CPLANE1: variants seen among roughly 807,000 people sequenced by gnomAD.
CPLANE1 encodes ciliogenesis and planar polarity effector complex subunit 1, also known as ciliogenesis and planar polarity effector 1.
CPLANE1 carries 263 observed loss-of-function variants against 362.5 expected under a neutral mutation model. The ratio of observed to expected loss-of-function variants is 0.73; its 90% CI spans 0.66 to 0.80. The LOEUF (loss-of-function observed/expected upper bound fraction) is 0.80, where lower values mean the gene tolerates loss of function less well. Ranked by LOEUF, CPLANE1 falls within the 30% of genes least tolerant of loss-of-function variation. The pLI, the probability that CPLANE1 is intolerant of heterozygous loss-of-function variation, is 0.00. For missense variants in CPLANE1, 3,461 were observed against 3,793.4 expected (o/e 0.91, Z 2.30); for synonymous variants, 1,212 against 1,302.6 (o/e 0.93, Z 1.50).
chr5:37,155,717 T>A (rs533315309), intron 41 of CPLANE1, among the ~76,000 whole-genome samples: 1 of 152,242 alleles, frequency 6.6e-6, no homozygotes, highest in South Asian at 2.1e-4. Flanking sequence ...ATTAACTTAC[T>A]GCAAAATCTA....
In CPLANE1 at chr5:37,142,410, T is replaced by G; in HGVS notation, c.8532A>C (p.Ser2844=). 6.2e-6 allele frequency: 10 copies of G among 1,611,232 alleles called. No homozygotes were observed. Among genetic ancestry groups the G allele is most frequent in the Non-Finnish European group, 8.5e-6 (10 of 1,178,916 alleles). ...TCTGACCAGAATAATTTTCTGTTAT[T>G]GAAAATTCAGGTTCTGAAGTCTCCT... ...DKKETSEPEF[S]ITENYSGQKT... Residue 2844 remains serine, a synonymous_variant, in exon 44 of 53, where the codon TCA becomes TCC. Transcript: ENST00000651892.
At chr5:37,139,454 GA>G (rs1017918079) in intron 44 of CPLANE1, 84 bp from the exon 45 acceptor site, 3 of 1,079,520 alleles carry the variant, frequency 2.8e-6, no homozygotes, top group Non-Finnish European at 3.7e-6. Flanking sequence ...TATATAACCA[GA>G]AATTAAATTA....
At chr5:37,239,660 T>C (rs542756856) in intron 7 of CPLANE1, 53 bp downstream of exon 7, 3 of 1,236,984 alleles carry the variant, frequency 2.4e-6, no homozygotes, top group Non-Finnish European at 3.1e-6. Context: ...ATCTCAAAAC[T>C]GGAATAAACT....
chr5:37,216,406 A>C (rs1794104244), intron 15 of CPLANE1, among the ~76,000 whole-genome samples: 1 of 152,128 alleles, frequency 6.6e-6, no homozygotes, highest in Non-Finnish European at 1.5e-5. Flanking sequence ...AAAATTAGCC[A>C]GGTGTGGTGG....
intron 16 of CPLANE1, chr5:37,210,676 C>T (rs1792336808): frequency 6.4e-7 from 1 of 1,565,806 alleles, no homozygotes; most frequent in African/African-American, 1.4e-5. Context: ...AGTGACTATT[C>T]ACTACTAAAA....
intron 43 of CPLANE1, among the ~76,000 whole-genome samples, chr5:37,144,554 T>A (rs1055393091): frequency 1.3e-5 from 2 of 151,826 alleles, no homozygotes; most frequent in Non-Finnish European, 2.9e-5. Flanking sequence ...TTACATTATT[T>A]AAATTAGAAA....
At chr5:37,141,785 A>G in intron 44 of CPLANE1, 1 of 980,582 alleles carries the variant, frequency 1.0e-6, no homozygotes, top group South Asian at 4.7e-5. Flanking sequence ...AACAGTTTTA[A>G]TTGCTACCTC....
At chr5:37,192,255 G>A (rs1212176301) in intron 21 of CPLANE1, among the ~76,000 whole-genome samples, 1 of 152,044 alleles carries the variant, frequency 6.6e-6, no homozygotes, top group Non-Finnish European at 1.5e-5. Flanking sequence ...TTAGAGACAG[G>A]GTCTCACTAT....
chr5:37,125,087 A>C (rs1763767635), intron 47 of CPLANE1, 157 bp downstream of exon 47: 4 of 1,375,778 alleles, frequency 2.9e-6, no homozygotes, highest in Non-Finnish European at 3.8e-6. Context: ...ATTTTAAGAT[A>C]ATTTATTAAC....
chr5:37,076,112 C>T, the CPLANE1 span, among the ~76,000 whole-genome samples: 1 of 151,792 alleles, frequency 6.6e-6, no homozygotes, highest in African/African-American at 2.4e-5. Context: ...AAAAATTAGC[C>T]AGGCATGGTG....
Position 37,209,879 on chromosome 5 carries a change from G to T in CPLANE1, c.2921-3454C>A. ...GTTCGACATTTAGCAGAGATTCTCT[G>T]GCTGAGAAGCTTCAGCTTATTGATG... On this transcript the variant is annotated intron_variant, in intron 16 of 52. Transcript: ENST00000651892. The surrounding 1 kb of genome is among the most constrained non-coding windows in gnomAD (Gnocchi z 4.6). 1 of 1,432,190 alleles carries T rather than the reference G, an allele frequency of 7.0e-7. No individual in the cohort carries two copies. The highest frequency in any genetic ancestry group is 1.1e-5 in the South Asian group (1 of 87,222). The allele number at this position is 1,432,190 out of a possible 1,614,324, so 88.7% of individuals were successfully genotyped here.
intron 44 of CPLANE1, chr5:37,142,047 A>G: frequency 1.2e-6 from 1 of 842,670 alleles, no homozygotes; most frequent in Non-Finnish European, 1.5e-6. Context: ...AAAATCAACT[A>G]TTACAGTAAT....
At chr5:37,123,756 C>A (rs953814268) in intron 47 of CPLANE1, among the ~76,000 whole-genome samples, 1 of 152,054 alleles carries the variant, frequency 6.6e-6, no homozygotes, top group Non-Finnish European at 1.5e-5. Flanking sequence ...GAACTCCTGG[C>A]CTCAGGTGAT....
At chr5:37,242,551 T>C (rs1331860401) in intron 6 of CPLANE1, among the ~76,000 whole-genome samples, 1 of 152,164 alleles carries the variant, frequency 6.6e-6, no homozygotes, top group Non-Finnish European at 1.5e-5. Context: ...GTCTTATCTT[T>C]TACAAATTCT....
intron 39 of CPLANE1, 31 bp from the exon 40 acceptor site, chr5:37,157,899 T>G: frequency 9.0e-6 from 11 of 1,222,106 alleles, no homozygotes; most frequent in Non-Finnish European, 1.2e-5. Flanking sequence ...CCAAAGAGGG[T>G]TACATTCTTT....
intron 37 of CPLANE1, 22 bp from the exon 38 acceptor site, chr5:37,162,588 G>A (rs746716886): frequency 6.5e-7 from 1 of 1,531,340 alleles, no homozygotes; most frequent in East Asian, 2.2e-5. Context: ...TAAAACATTG[G>A]AAGTAATCAT....
In CPLANE1 at chr5:37,209,273, C is replaced by A; in HGVS notation, c.2921-2848G>T. 1 of 714,350 alleles carries A rather than the reference C, an allele frequency of 1.4e-6. No homozygotes were observed. The allele number at this position is 714,350 out of a possible 1,614,324, so 44.3% of individuals were successfully genotyped here. On this transcript the variant is annotated intron_variant, in intron 16 of 52. Transcript: ENST00000651892. This position sits in a 1 kb window ranked among gnomAD's most constrained non-coding sequence, Gnocchi z 4.6. ...GCAGGGCTCTGGAGGGCAGGGATTCCCCCTCGTCTTGGCCCTACAGCCCCA... is the reference window on the plus strand; with the variant it reads ...GCAGGGCTCTGGAGGGCAGGGATTCACCCTCGTCTTGGCCCTACAGCCCCA...
chr5:37,169,124 C>G lies in CPLANE1; in HGVS notation c.6900G>C (p.Gln2300His). ...NTEARKKEVEQKTWAETVITE... is the reference protein window; with the variant it reads ...NTEARKKEVEHKTWAETVITE... ...TAATTACAGTTTCTGCCCACGTCTT[C>G]TGCTCAACTTCTTTTTTTCTGGCTT... The change falls in exon 34 of 53, where the codon CAG becomes CAC. Residue 2300 changes from glutamine to histidine, a missense_variant. Transcript: ENST00000651892. The G allele has an allele frequency of 6.2e-7, 1 of 1,614,170 alleles. No individual in the cohort carries two copies. Among genetic ancestry groups the G allele is most frequent in the African/African-American group, 1.3e-5 (1 of 75,034 alleles).
chr5:37,107,355 T>C lies in CPLANE1; in HGVS notation c.*247A>G. ...AAGGTACTTATCATTTTAAAAATTA[T>C]GCCTAATGATGCATCAAATACAAAA... is the stretch of plus-strand genomic sequence containing the variant. On this transcript the variant is annotated 3_prime_UTR_variant, in exon 53 of 53. Transcript: ENST00000651892. 1 of 1,206,628 alleles carries C rather than the reference T, an allele frequency of 8.3e-7. No individual in the cohort carries two copies. Among genetic ancestry groups the C allele is most frequent in the South Asian group, 4.1e-5 (1 of 24,492 alleles). 74.7% of individuals were successfully genotyped at this position (1,206,628 alleles called of 1,614,324 possible). A position where few individuals can be genotyped will look rare whatever the true frequency, so the allele number is the denominator to read the frequency against.
Sources: gnomAD v4.1 joint callset for allele counts (sites outside exome capture counted in the v4.1 genomes callset) on GRCh38, gnomAD v4.1.1 for gene constraint, Gnocchi (gnomAD v3.1) non-coding constraint, MANE v1.5 for transcripts, NCBI Gene and HGNC (gene_info 2026-07-23, HGNC 2026-07-21) for gene names.